UNG: variants seen among roughly 807,000 people sequenced by gnomAD.
UNG encodes the protein uracil DNA glycosylase.
Under a neutral mutation model 36.5 loss-of-function variants are expected in UNG, and 34 were observed. The ratio of observed to expected loss-of-function variants is 0.93; its 90% CI spans 0.71 to 1.24. UNG has a LOEUF of 1.24. UNG is among the 50% of genes most tolerant of loss of function. The probability of loss-of-function intolerance (pLI) is 0.00; values close to 1 mark genes in which losing one functional copy is unlikely to be tolerated. For missense variants in UNG, 391 were observed against 397.6 expected, an observed-to-expected ratio of 0.98 and a Z score of 0.14; for synonymous variants, 172 against 157.8, an observed-to-expected ratio of 1.09 and a Z score of -0.67.
chr12:109,098,140 TGGGGCGGGTCTGGCG>T, intron 1 of UNG: 1 of 1,291,214 alleles, frequency 7.7e-7, no homozygotes, highest in Non-Finnish European at 9.9e-7. Flanking sequence ...GGGGACGCGG[TGGGGCGGGTCTGGCG>T]GGGGCGGGGC....
At chr12:109,102,333 C>T (rs1418704826) in intron 4 of UNG, among the ~76,000 whole-genome samples, 1 of 152,104 alleles carries the variant, frequency 6.6e-6, no homozygotes, top group Admixed American at 6.5e-5. Context: ...CTGCTTTGGG[C>T]CGGGCGCGGT....
rs1419864182 is a variant in UNG, at chr12:109,110,132, C to G, written c.*163C>G. ...GGCTGTCCAGGAATGGCAGCTGTAT[C>G]CAACCACAAACAACAAAGGCTACCC... On this transcript the variant is annotated 3_prime_UTR_variant, in exon 7 of 7. Coordinates refer to ENST00000242576, the MANE Select transcript of UNG (RefSeq NM_080911.3). The G allele has an allele frequency of 1.1e-6, 1 of 899,422 alleles. No homozygotes were observed. The allele number at this position is 899,422 out of a possible 1,614,324, so 55.7% of individuals were successfully genotyped here. A position where few individuals can be genotyped will look rare whatever the true frequency, so the allele number is the denominator to read the frequency against.
intron 6 of UNG, among the ~76,000 whole-genome samples, chr12:109,104,924 T>C (rs989326654): frequency 1.2e-4 from 19 of 152,072 alleles, no homozygotes; most frequent in Non-Finnish European, 2.6e-4. Flanking sequence ...GTTGAGCACT[T>C]TTGTTTTTTG....
intron 6 of UNG, among the ~76,000 whole-genome samples, chr12:109,108,505 A>T (rs569445134): frequency 6.6e-6 from 1 of 152,176 alleles, no homozygotes; most frequent in South Asian, 2.1e-4. Context: ...AGTGGCACGC[A>T]CCTGTGGTCC....
At chr12:109,102,074 G>T (rs1471151996) in intron 4 of UNG, 75 bp downstream of exon 4, 1 of 1,338,362 alleles carries the variant, frequency 7.5e-7, no homozygotes. Flanking sequence ...TTACAAGTGG[G>T]ACTATCTGGG....
Position 109,109,893 on chromosome 12 carries a change from G to A in UNG, c.866G>A (p.Gly289Glu), listed in dbSNP as rs376465519. Residue 289 changes from glycine to glutamate, a missense_variant, in exon 7 of 7, where the codon GGA becomes GAA. Gly to Glu is a moderately conservative substitution (Grantham distance 98). Transcript: ENST00000242576. Reference protein sequence around the residue: ...SPLSVYRGFFGCRHFSKTNEL... With the variant: ...SPLSVYRGFFECRHFSKTNEL... The stretch of plus-strand genomic sequence containing the variant: ...TTGTCAGTGTATAGAGGGTTCTTTG[G>A]ATGTAGACACTTTTCAAAGACCAAT... 22 of 1,614,026 alleles carry A rather than the reference G, an allele frequency of 1.4e-5. No homozygotes were observed. The highest frequency in any genetic ancestry group is 1.9e-5 in the Non-Finnish European group (22 of 1,180,042).
chr12:109,101,217 C>T (rs576838153), intron 3 of UNG, among the ~76,000 whole-genome samples: 3 of 145,888 alleles, frequency 2.1e-5, no homozygotes, highest in East Asian at 2.1e-4. Flanking sequence ...CTCAGCCTCC[C>T]GAGTAGCTGG....
In UNG at chr12:109,097,645, G is replaced by A. The variant is rs372914375; in HGVS notation, c.-35G>A. On this transcript the variant is annotated 5_prime_UTR_variant, in exon 1 of 7. Transcript: ENST00000242576. ...GCCAGGGCTAGCCTCGCCGGTTCCC[G>A]GGTGGCGCGCGTTCGCTGCCTCCTC... 94 of 1,598,202 alleles carry A rather than the reference G, an allele frequency of 5.9e-5. No individual in the cohort carries two copies. In the African/African-American group the frequency reaches 1.1e-3, roughly 19 times the overall value.
At chr12:109,106,388 G>A (rs949308818) in intron 6 of UNG, among the ~76,000 whole-genome samples, 28 of 151,944 alleles carry the variant, frequency 1.8e-4, no homozygotes, top group Admixed American at 2.6e-4. Context: ...ACCCCTCATC[G>A]CCCCTCCTGG....
At position 109,110,054 on chromosome 12, in the gene UNG, T is replaced by C; in HGVS notation, c.*85T>C. The C allele has an allele frequency of 1.3e-6, 2 of 1,582,946 alleles. No homozygotes were observed. Among genetic ancestry groups the C allele is most frequent in the Non-Finnish European group, 1.7e-6 (2 of 1,159,534 alleles). On this transcript the variant is annotated 3_prime_UTR_variant, in exon 7 of 7. Transcript: ENST00000242576. ...TTCCACTGAAAATTTTCCTATTAAT[T>C]CTTAAGTACTCTGCATAAGGGGGAA...
At chr12:109,105,925 C>T (rs1047985657) in intron 6 of UNG, among the ~76,000 whole-genome samples, 2 of 152,254 alleles carry the variant, frequency 1.3e-5, no homozygotes, top group African/African-American at 2.4e-5. Flanking sequence ...GGCCCCCAAT[C>T]GGCCTCCCAG....
At chr12:109,102,472 G>GA (rs777944770) in intron 4 of UNG, among the ~76,000 whole-genome samples, 3,605 of 135,648 alleles carry the variant, frequency 0.027, 139 homozygotes, top group African/African-American at 0.085. Flanking sequence ...AGCAAGACTG[G>GA]AAAAAAAAAA....
chr12:109,097,922 C>T, intron 1 of UNG, 111 bp downstream of exon 1: 3 of 1,370,844 alleles, frequency 2.2e-6, no homozygotes, highest in Non-Finnish European at 2.9e-6. Context: ...ACCCGGGCTC[C>T]GCTTTCCAAA....
intron 3 of UNG, among the ~76,000 whole-genome samples, chr12:109,100,636 A>T (rs1234924102): frequency 6.6e-6 from 1 of 152,232 alleles, no homozygotes; most frequent in Non-Finnish European, 1.5e-5. Flanking sequence ...GGGAATATTA[A>T]AAGGAATATT....
chr12:109,106,851 G>A (rs182240037), intron 6 of UNG, among the ~76,000 whole-genome samples: 1 of 32,762 alleles, frequency 3.1e-5, no homozygotes, highest in Admixed American at 3.3e-4. Flanking sequence ...TGGCAACAGA[G>A]TGAGACTCTA....
chr12:109,109,696 T>C, intron 6 of UNG, 133 bp from the exon 7 acceptor site: 8 of 1,088,508 alleles, frequency 7.3e-6, no homozygotes, highest in East Asian at 2.7e-5. Flanking sequence ...GGCAGGAGAA[T>C]CGCTTGAACC....
chr12:109,109,382 C>T (rs2042242292), intron 6 of UNG, among the ~76,000 whole-genome samples: 1 of 151,624 alleles, frequency 6.6e-6, no homozygotes, highest in Non-Finnish European at 1.5e-5. Context: ...TGTTCTAATG[C>T]AAATGCTGAA....
intron 1 of UNG, 119 bp from the exon 2 acceptor site, chr12:109,098,313 G>T: frequency 6.3e-7 from 1 of 1,595,282 alleles, no homozygotes. Context: ...CTTTTGCTGG[G>T]ACCTGTTCCA....
At chr12:109,097,941 A>T in intron 1 of UNG, 130 bp downstream of exon 1, 1 of 1,316,602 alleles carries the variant, frequency 7.6e-7, no homozygotes, top group South Asian at 1.6e-5. Flanking sequence ...AATAGCCTCC[A>T]CGTGTTCAAA....
Sources: allele counts gnomAD v4.1 joint callset (sites outside exome capture counted in the v4.1 genomes callset), GRCh38; gene constraint gnomAD v4.1.1; transcripts MANE v1.5; gene names NCBI Gene and HGNC (gene_info 2026-07-23, HGNC 2026-07-21).